ZFAND6: variants seen among roughly 807,000 people sequenced by gnomAD.
The protein encoded by ZFAND6 is AN1-type zinc finger protein 6.
Under a neutral mutation model 24.5 loss-of-function variants are expected in ZFAND6, and 12 were observed. The observed-to-expected ratio is 0.49, with a 90% CI of 0.31 to 0.79. ZFAND6 has a LOEUF of 0.79. Ranked by LOEUF, ZFAND6 falls within the 30% of genes least tolerant of loss-of-function variation. The probability of loss-of-function intolerance (pLI) is 0.04; values close to 1 mark genes in which losing one functional copy is unlikely to be tolerated. For missense variants in ZFAND6, 207 were observed against 245.9 expected (o/e 0.84, Z 1.06); for synonymous variants, 92 against 81.5 (o/e 1.13, Z -0.69).
chr15:80,111,995 C>T (rs2141985166), intron 2 of ZFAND6, among the ~76,000 whole-genome samples: 1 of 152,322 alleles, frequency 6.6e-6, no homozygotes, highest in Non-Finnish European at 1.5e-5. Context: ...CATGGTGACT[C>T]ACACCTGTAA....
intron 2 of ZFAND6, among the ~76,000 whole-genome samples, chr15:80,108,419 A>G (rs773931957): frequency 2.6e-5 from 4 of 152,214 alleles, no homozygotes; most frequent in African/African-American, 9.7e-5. Context: ...AATCTGTGGT[A>G]ATCGTGAGAA....
At chr15:80,090,496 A>G (rs925968102) in intron 1 of ZFAND6, among the ~76,000 whole-genome samples, 1 of 152,216 alleles carries the variant, frequency 6.6e-6, no homozygotes, top group Non-Finnish European at 1.5e-5. Context: ...CAATGCAGAT[A>G]AAACATTTAT....
intron 1 of ZFAND6, among the ~76,000 whole-genome samples, chr15:80,068,293 G>A (rs889699680): frequency 5.3e-5 from 8 of 151,644 alleles, no homozygotes; most frequent in African/African-American, 1.7e-4. Context: ...GACTACAGGC[G>A]CGCCACCATG....
At chr15:80,079,062 CAG>C (rs1268590117) in intron 1 of ZFAND6, among the ~76,000 whole-genome samples, 1 of 151,084 alleles carries the variant, frequency 6.6e-6, no homozygotes, top group Non-Finnish European at 1.5e-5. Context: ...CAACAGTCCC[CAG>C]AGTGTGTCTT....
intron 1 of ZFAND6, among the ~76,000 whole-genome samples, chr15:80,096,654 GT>G (rs1214255412): frequency 6.6e-6 from 1 of 152,136 alleles, no homozygotes; most frequent in Non-Finnish European, 1.5e-5. Context: ...TTCTCATGGT[GT>G]TTTTGAATTA....
At chr15:80,080,123 G>A (rs942355744) in intron 1 of ZFAND6, among the ~76,000 whole-genome samples, 3 of 151,562 alleles carry the variant, frequency 2.0e-5, no homozygotes, top group East Asian at 3.9e-4. Flanking sequence ...CTCAGCCTCC[G>A]AGTAGCTGGG....
chr15:80,133,199 G>GTT (rs3082115), intron 6 of ZFAND6, among the ~76,000 whole-genome samples: 85,346 of 145,356 alleles, frequency 0.59, 26,168 homozygotes, highest in Non-Finnish European at 0.68. Context: ...TTTGTTTTTT[G>GTT]TTTTTTTTTT....
intron 1 of ZFAND6, among the ~76,000 whole-genome samples, chr15:80,064,471 C>T (rs2036502985): frequency 6.6e-6 from 1 of 151,970 alleles, no homozygotes; most frequent in South Asian, 2.1e-4. Context: ...TCTAGTTTAT[C>T]TTTTGCCCAT....
intron 2 of ZFAND6, chr15:80,112,809 T>C (rs1032546086): frequency 2.2e-5 from 10 of 455,992 alleles, no homozygotes; most frequent in Non-Finnish European, 4.0e-5. Context: ...TCGGAATTAC[T>C]GTATGCAACA....
intron 6 of ZFAND6, 22 bp from the exon 7 acceptor site, chr15:80,137,458 A>G (rs1270434070): frequency 1.3e-6 from 2 of 1,591,216 alleles, no homozygotes; most frequent in Non-Finnish European, 1.7e-6. Context: ...CAACTCATGT[A>G]TGTGTATTAC....
At chr15:80,099,519 A>G (rs1315846102) in intron 2 of ZFAND6, among the ~76,000 whole-genome samples, 1 of 152,108 alleles carries the variant, frequency 6.6e-6, no homozygotes, top group African/African-American at 2.4e-5. Context: ...CATAACACAA[A>G]TGTGTTGACT....
intron 2 of ZFAND6, 131 bp from the exon 3 acceptor site, chr15:80,120,197 G>A (rs2040085634): frequency 1.4e-6 from 1 of 704,564 alleles, no homozygotes; most frequent in Non-Finnish European, 2.1e-6. Flanking sequence ...TTAGCCCTAT[G>A]TCTTGGGACA....
intron 6 of ZFAND6, among the ~76,000 whole-genome samples, chr15:80,135,387 G>T (rs911845857): frequency 1.3e-5 from 2 of 152,158 alleles, no homozygotes; most frequent in East Asian, 3.9e-4. Context: ...TTGACTTGTA[G>T]AGGGGTCTGC....
At chr15:80,084,010 G>T (rs1260977871) in intron 1 of ZFAND6, among the ~76,000 whole-genome samples, 2 of 152,174 alleles carry the variant, frequency 1.3e-5, no homozygotes, top group Non-Finnish European at 2.9e-5. Flanking sequence ...ACCCTGAGAG[G>T]ATTTAAATAT....
intron 2 of ZFAND6, among the ~76,000 whole-genome samples, chr15:80,113,247 T>C (rs571682903): frequency 6.6e-6 from 1 of 152,344 alleles, no homozygotes; most frequent in East Asian, 1.9e-4. Flanking sequence ...GGGCCCTAGC[T>C]GATGGGTTTT....
At chr15:80,072,668 T>A (rs1317725247) in intron 1 of ZFAND6, 1 of 152,066 alleles carries the variant, frequency 6.6e-6, no homozygotes, top group Non-Finnish European at 1.5e-5. Flanking sequence ...TGTTCTAATC[T>A]TTTTATGATC....
At chr15:80,061,945 T>G (rs1287931800) in intron 1 of ZFAND6, among the ~76,000 whole-genome samples, 2 of 152,216 alleles carry the variant, frequency 1.3e-5, no homozygotes, top group East Asian at 1.9e-4. Context: ...GTGATTGAAC[T>G]AGTTCAACCT....
intron 1 of ZFAND6, among the ~76,000 whole-genome samples, 173 bp downstream of exon 1, chr15:80,059,982 C>A (rs2036232648): frequency 6.6e-6 from 1 of 151,070 alleles, no homozygotes; most frequent in Non-Finnish European, 1.5e-5. Context: ...CCCGCGGGGG[C>A]CGCGGGCGAG....
intron 1 of ZFAND6, among the ~76,000 whole-genome samples, chr15:80,087,798 A>T (rs982276826): frequency 1.3e-5 from 2 of 152,130 alleles, no homozygotes; most frequent in African/African-American, 4.8e-5. Context: ...CTAGATTCCC[A>T]ATTGTTATAC....
Sources: allele counts gnomAD v4.1 joint callset (sites outside exome capture counted in the v4.1 genomes callset), GRCh38; gene constraint gnomAD v4.1.1; transcripts MANE v1.5; gene names NCBI Gene and HGNC (gene_info 2026-07-23, HGNC 2026-07-21).